Variants in TMCO4 observed in about 807,000 individuals in gnomAD.
TMCO4 encodes transmembrane and coiled-coil domains 4, also known as transmembrane and coiled-coil domain-containing protein 4.
TMCO4 carries 58 observed loss-of-function variants against 64.7 expected under a neutral mutation model. That is an observed-to-expected ratio of 0.90 (90% CI 0.73 to 1.12). The LOEUF (loss-of-function observed/expected upper bound fraction) is 1.12, where lower values mean the gene tolerates loss of function less well. Ranked by LOEUF, TMCO4 falls within the 50% of genes most tolerant of loss-of-function variation. The probability of loss-of-function intolerance (pLI) is 0.00; values close to 1 mark genes in which losing one functional copy is unlikely to be tolerated. For synonymous variants in TMCO4, 325 were observed against 346.1 expected, an observed-to-expected ratio of 0.94 and a Z score of 0.68; for missense variants, 780 against 825.9, an observed-to-expected ratio of 0.94 and a Z score of 0.68.
At position 19,682,415 on chromosome 1, in the gene TMCO4, C is replaced by G; in HGVS notation, c.*625G>C. 3.6e-6 allele frequency: 2 copies of G among 561,816 alleles called. No individual in the cohort carries two copies. Among genetic ancestry groups the G allele is most frequent in the Non-Finnish European group, 6.4e-6 (2 of 312,912 alleles). The allele number at this position is 561,816 out of a possible 1,614,324, so 34.8% of individuals were successfully genotyped here. A position where few individuals can be genotyped will look rare whatever the true frequency, so the allele number is the denominator to read the frequency against. ...GTCCAGATGTTGCATGACGGGGGAG[C>G]ACACTCACATTGTGTCTGTGTGACT... On this transcript the variant is annotated 3_prime_UTR_variant, in exon 16 of 16. Coordinates refer to ENST00000294543, the MANE Select transcript of TMCO4 (RefSeq NM_181719.7).
intron 15 of TMCO4, among the ~76,000 whole-genome samples, chr1:19,693,735 G>A (rs942987498): frequency 7.9e-5 from 12 of 152,160 alleles, no homozygotes; most frequent in Admixed American, 6.5e-4. Flanking sequence ...CAGATGTCCC[G>A]CTCTGCATCC....
intron 13 of TMCO4, among the ~76,000 whole-genome samples, chr1:19,733,254 GA>G (rs2095437927): frequency 6.6e-6 from 1 of 151,982 alleles, no homozygotes. Context: ...GTGACAGAGC[GA>G]AACTCCGTCT....
chr1:19,741,001 A>C lies in TMCO4; in HGVS notation c.878-60T>G, dbSNP rs1044727551. On this transcript the variant is annotated intron_variant, in intron 10 of 15. Transcript: ENST00000294543. ...TCTATGGCAGAGGATGCCCCACCCC[A>C]GTACCCCAGACAAGGAGCACCAGGA... 9.8e-5 allele frequency: 147 copies of C among 1,503,324 alleles called. 1 individual carries two copies. The highest frequency in any genetic ancestry group is 1.3e-4 in the Non-Finnish European group (145 of 1,122,626). 93.1% of individuals were successfully genotyped at this position (1,503,324 alleles called of 1,614,324 possible). A position where few individuals can be genotyped will look rare whatever the true frequency, so the allele number is the denominator to read the frequency against.
chr1:19,773,062 T>C (rs56139479), intron 4 of TMCO4, among the ~76,000 whole-genome samples: 17,806 of 152,118 alleles, frequency 0.12, 1,137 homozygotes, highest in Non-Finnish European at 0.13. Flanking sequence ...TGGTGGCATG[T>C]ACCTGTAGTC....
intron 7 of TMCO4, among the ~76,000 whole-genome samples, chr1:19,755,247 T>C (rs2042192995): frequency 6.6e-6 from 1 of 152,208 alleles, no homozygotes; most frequent in Admixed American, 6.5e-5. Flanking sequence ...TGGCTCAGCC[T>C]CCCGAGTAGC....
intron 13 of TMCO4, among the ~76,000 whole-genome samples, chr1:19,709,290 G>T (rs113585842): frequency 0.03 from 2,123 of 70,574 alleles, 18 homozygotes; most frequent in Non-Finnish European, 0.043. Flanking sequence ...TCCCGGCGGG[G>T]GGGGGGGACC....
intron 13 of TMCO4, among the ~76,000 whole-genome samples, chr1:19,726,709 C>T (rs1257603913): frequency 6.6e-6 from 1 of 152,178 alleles, no homozygotes; most frequent in African/African-American, 2.4e-5. Flanking sequence ...TCCCACACCT[C>T]CACGCAGGTG....
intron 13 of TMCO4, among the ~76,000 whole-genome samples, chr1:19,706,285 A>C (rs1230432223): frequency 1.3e-5 from 2 of 152,184 alleles, no homozygotes; most frequent in East Asian, 3.8e-4. Flanking sequence ...TTCAGTGTAG[A>C]ATGCCCCCGG....
chr1:19,714,998 T>G (rs2100702653), intron 13 of TMCO4, among the ~76,000 whole-genome samples: 1 of 152,164 alleles, frequency 6.6e-6, no homozygotes, highest in Admixed American at 6.5e-5. Context: ...ACCCCAGCAC[T>G]TTTGGAGGCC....
intron 15 of TMCO4, among the ~76,000 whole-genome samples, chr1:19,684,639 G>A (rs1469275355): frequency 6.6e-6 from 1 of 152,204 alleles, no homozygotes. Context: ...AGACTGCAAG[G>A]TGCTGGCTAC....
At chr1:19,686,612 A>C (rs1232378542) in intron 15 of TMCO4, among the ~76,000 whole-genome samples, 1 of 152,242 alleles carries the variant, frequency 6.6e-6, no homozygotes, top group African/African-American at 2.4e-5. Flanking sequence ...GTATTCACAC[A>C]TCTAAGTGGT....
rs551076381 is a variant in TMCO4 at position 19,740,673 on chromosome 1, C to T, written c.1042+104G>A. ...CTCTCTGTGTTCCTAGGGTCCAGCACGGTGCCTGCCCTGGGGGCTTTGGGC... is the reference window on the plus strand; with the variant it reads ...CTCTCTGTGTTCCTAGGGTCCAGCATGGTGCCTGCCCTGGGGGCTTTGGGC... On this transcript the variant is annotated intron_variant, in intron 11 of 15. Coordinates refer to ENST00000294543, the MANE Select transcript of TMCO4 (RefSeq NM_181719.7). 59 of 1,335,000 alleles carry T rather than the reference C, an allele frequency of 4.4e-5. No individual in the cohort carries two copies. In the South Asian group the frequency reaches 6.4e-4, roughly 14 times the overall value. The allele number at this position is 1,335,000 out of a possible 1,614,324, so 82.7% of individuals were successfully genotyped here.
In TMCO4 at chr1:19,771,173, CATG is replaced by C. The variant is rs555899721; in HGVS notation, c.354+132_354+134del. On this transcript the variant is annotated intron_variant, in intron 5 of 15. Transcript: ENST00000294543. ...ATGATAATTCAACATCAGCTATGAT[CATG>C]ATATGATATTATGATGACATATTTT... The C allele has an allele frequency of 2.0e-4, 190 of 944,706 alleles. 4 individuals carry two copies. In the South Asian group the frequency reaches 2.6e-3, roughly 13 times the overall value. 58.5% of individuals were successfully genotyped at this position (944,706 alleles called of 1,614,324 possible). A position where few individuals can be genotyped will look rare whatever the true frequency, so the allele number is the denominator to read the frequency against.
chr1:19,723,391 T>G (rs1269833662), intron 13 of TMCO4, among the ~76,000 whole-genome samples: 1 of 152,140 alleles, frequency 6.6e-6, no homozygotes, highest in Non-Finnish European at 1.5e-5. Context: ...CAGGACCCCA[T>G]AGGCCCCCAG....
At position 19,700,898 on chromosome 1, in the gene TMCO4, C is replaced by T; in HGVS notation, c.1265-13G>A. 6.2e-7 allele frequency: 1 copy of T among 1,612,672 alleles called. No individual in the cohort carries two copies. The highest frequency in any genetic ancestry group is 8.5e-7 in the Non-Finnish European group (1 of 1,178,728). On this transcript the variant is annotated splice_polypyrimidine_tract_variant and intron_variant, in intron 13 of 15. Coordinates refer to ENST00000294543, the MANE Select transcript of TMCO4 (RefSeq NM_181719.7). ...ATTCCTTGGCAATCTGGCAAAAGAC[C>T]CCAGAAAAGGCCGTCAGTGTCCCTG...
At chr1:19,691,767 C>T (rs185758914) in intron 15 of TMCO4, among the ~76,000 whole-genome samples, 26 of 152,298 alleles carry the variant, frequency 1.7e-4, no homozygotes, top group Middle Eastern at 6.8e-3. Context: ...TAACTGTGTC[C>T]CCACCCAAAT....
At chr1:19,730,382 T>C (rs750865325) in intron 13 of TMCO4, among the ~76,000 whole-genome samples, 2 of 152,234 alleles carry the variant, frequency 1.3e-5, no homozygotes, top group African/African-American at 4.8e-5. Flanking sequence ...CTCTGCAATA[T>C]TGGGGATGTT....
At position 19,711,136 on chromosome 1, in the gene TMCO4, G is replaced by A. The variant is rs554711911; in HGVS notation, c.1265-10251C>T. ...GCGGTGAGCCAGTAGAGAACAAGAA[G>A]TTTCATTCTACGTGTACCACACATG... is the stretch of plus-strand genomic sequence containing the variant. On this transcript the variant is annotated intron_variant, in intron 13 of 15. Coordinates refer to ENST00000294543, the MANE Select transcript of TMCO4 (RefSeq NM_181719.7). 7.5e-4 allele frequency among the ~76,000 whole-genome samples: 114 copies of A among 152,194 alleles called. 1 individual carries two copies. Among genetic ancestry groups the A allele is most frequent in the Non-Finnish European group, 1.3e-3 (86 of 68,030 alleles).
chr1:19,755,859 C>T, intron 6 of TMCO4, 93 bp from the exon 7 acceptor site: 2 of 1,485,378 alleles, frequency 1.3e-6, no homozygotes, highest in East Asian at 4.6e-5. Flanking sequence ...ACACTAGAAA[C>T]AGCCTAAATG....
Sources: allele counts gnomAD v4.1 joint callset (sites outside exome capture counted in the v4.1 genomes callset), GRCh38; gene constraint gnomAD v4.1.1; transcripts MANE v1.5; gene names NCBI Gene and HGNC (gene_info 2026-07-23, HGNC 2026-07-21).